Variants in LMNB1 observed in about 807,000 individuals in gnomAD.
LMNB1 encodes lamin-B1.
A neutral mutation model predicts 67.1 loss-of-function variants in LMNB1; 23 were observed. The ratio of observed to expected loss-of-function variants is 0.34; its 90% confidence interval spans 0.25 to 0.49. LMNB1 has a LOEUF of 0.49. Among genes scored for constraint, LMNB1 ranks in the 20% least tolerant of loss-of-function variants. The probability of loss-of-function intolerance (pLI) is 0.99; values close to 1 mark genes in which losing one functional copy is unlikely to be tolerated. For synonymous variants in LMNB1, 281 were observed against 282.9 expected (o/e 0.99, Z 0.07); for missense variants, 634 against 746.5 (o/e 0.85, Z 1.76).
chr5:126,795,628 T>A (rs1310667501), intron 1 of LMNB1, among the ~76,000 whole-genome samples: 2 of 152,142 alleles, frequency 1.3e-5, no homozygotes, highest in Non-Finnish European at 2.9e-5. Context: ...TTTTGTTTGT[T>A]CATTTGTTTG....
intron 3 of LMNB1, among the ~76,000 whole-genome samples, chr5:126,807,853 G>GTTTTGTTTTTTTGT (rs1554114267): frequency 6.9e-6 from 1 of 145,348 alleles, no homozygotes; most frequent in Non-Finnish European, 1.5e-5. Flanking sequence ...GTCCTCTTCA[G>GTTTTGTTTTTTTGT]TTTTGTTTTT....
At chr5:126,830,948 G>A (rs183266561) in intron 9 of LMNB1, among the ~76,000 whole-genome samples, 32 of 152,160 alleles carry the variant, frequency 2.1e-4, no homozygotes, top group African/African-American at 7.5e-4. Flanking sequence ...TTGTGAAATG[G>A]CTATTTCTGT....
At chr5:126,805,519 T>C in intron 2 of LMNB1, 52 bp from the exon 3 acceptor site, 5 of 1,299,648 alleles carry the variant, frequency 3.8e-6, no homozygotes, top group Non-Finnish European at 5.5e-6. Context: ...TTATGTTCAT[T>C]ATTAAATGAT....
chr5:126,810,305 A>C lies in LMNB1; in HGVS notation c.768A>C (p.Gln256His). 1 of 1,613,650 alleles carries C rather than the reference A, an allele frequency of 6.2e-7. No homozygotes were observed. Among genetic ancestry groups the C allele is most frequent in the Non-Finnish European group, 8.5e-7 (1 of 1,179,576 alleles). Residue 256 changes from glutamine to histidine, a missense_variant, in exon 4 of 11, where the codon CAA becomes CAC. Transcript: ENST00000261366. ...LHEMREQHDA[Q>H]VRLYKEELEQ... ...AGATGAGAGAGCAACATGATGCCCA[A>C]GTGAGGCTGTATAAGGAGGAGCTGG...
chr5:126,810,012 C>CTT lies in LMNB1; in HGVS notation c.643-168_643-167insTT, dbSNP rs1554114399. On this transcript the variant is annotated intron_variant, in intron 3 of 10. Transcript: ENST00000261366. ...TCTGTCATTAGTTCCATTTCAAAAA[C>CTT]CTCAACTGAAAACTAAGAGGCAAAA... 1.3e-3 allele frequency among the ~76,000 whole-genome samples: 201 copies of CTT among 151,818 alleles called. 1 individual carries two copies. The highest frequency in any genetic ancestry group is 4.5e-3 in the African/African-American group (185 of 41,362).
At chr5:126,787,889 A>C in intron 1 of LMNB1, among the ~76,000 whole-genome samples, 2 of 151,758 alleles carry the variant, frequency 1.3e-5, no homozygotes, top group South Asian at 4.2e-4. Flanking sequence ...TGGGGTGGGG[A>C]AGGGGATTGT....
intron 6 of LMNB1, among the ~76,000 whole-genome samples, chr5:126,819,947 C>G (rs1445514426): frequency 6.6e-6 from 1 of 152,042 alleles, no homozygotes; most frequent in Non-Finnish European, 1.5e-5. Flanking sequence ...GAGTTCAAGA[C>G]CAGCCTGGTC....
chr5:126,819,309 G>T, intron 6 of LMNB1, 167 bp downstream of exon 6: 1 of 541,910 alleles, frequency 1.8e-6, no homozygotes, highest in South Asian at 2.7e-5. Flanking sequence ...CCTCATCGCA[G>T]AAAATGTTGC....
chr5:126,805,007 A>G, intron 2 of LMNB1, 75 bp downstream of exon 2: 1 of 1,203,898 alleles, frequency 8.3e-7, no homozygotes, highest in South Asian at 1.6e-5. Flanking sequence ...AGTTTGATTG[A>G]TTGATTGATT....
chr5:126,818,270 G>A (rs913326336), intron 5 of LMNB1, among the ~76,000 whole-genome samples: 9 of 139,448 alleles, frequency 6.5e-5, no homozygotes, highest in African/African-American at 2.2e-4. Context: ...ACAGAGTCTC[G>A]CTCTGTTGCC....
At chr5:126,808,182 T>TA (rs1213751558) in intron 3 of LMNB1, among the ~76,000 whole-genome samples, 1 of 149,316 alleles carries the variant, frequency 6.7e-6, no homozygotes, top group Admixed American at 6.7e-5. Context: ...TTTTTTACTT[T>TA]AAAAAAAATT....
intron 1 of LMNB1, among the ~76,000 whole-genome samples, chr5:126,804,016 G>T (rs1277488266): frequency 2.0e-5 from 3 of 152,072 alleles, no homozygotes; most frequent in Non-Finnish European, 4.4e-5. Context: ...TCAGTATCAT[G>T]CATTGGGTTA....
intron 1 of LMNB1, among the ~76,000 whole-genome samples, chr5:126,778,271 G>T (rs1331284580): frequency 6.6e-6 from 1 of 152,046 alleles, no homozygotes; most frequent in East Asian, 1.9e-4. Context: ...CCCAGTTTCC[G>T]GCCGGCGCGA....
chr5:126,777,516 C>T lies in LMNB1; in HGVS notation c.8C>T (p.Thr3Ile). 1 of 1,360,758 alleles carries T rather than the reference C, an allele frequency of 7.3e-7. No homozygotes were observed. Among genetic ancestry groups the T allele is most frequent in the African/African-American group, 1.5e-5 (1 of 65,402 alleles). The allele number at this position is 1,360,758 out of a possible 1,614,324, so 84.3% of individuals were successfully genotyped here. A position where few individuals can be genotyped will look rare whatever the true frequency, so the allele number is the denominator to read the frequency against. The change falls in exon 1 of 11, where the codon ACT becomes ATT. Residue 3 changes from threonine (T) to isoleucine (I), a missense_variant. By Grantham distance (89) the Thr-to-Ile change is moderately conservative. Transcript: ENST00000261366. Reference sequence around the variant, plus strand: ...CTGTCTCCGCCGCCCGCCATGGCGACTGCGACCCCCGTGCCGCCGCGGATG... The same window carrying T: ...CTGTCTCCGCCGCCCGCCATGGCGATTGCGACCCCCGTGCCGCCGCGGATG... MA[T>I]ATPVPPRMGS...
chr5:126,835,630 T>C (rs1169428581), intron 10 of LMNB1, among the ~76,000 whole-genome samples: 1 of 152,238 alleles, frequency 6.6e-6, no homozygotes, highest in African/African-American at 2.4e-5. Flanking sequence ...AAATTATATA[T>C]AGATAGCTAC....
At chr5:126,795,992 G>GTGCGA (rs1751081480) in intron 1 of LMNB1, among the ~76,000 whole-genome samples, 2 of 141,068 alleles carry the variant, frequency 1.4e-5, no homozygotes, top group South Asian at 4.6e-4. Context: ...GAGTGCAATG[G>GTGCGA]TGCGATCTTG....
At chr5:126,802,505 A>G (rs1751308940) in intron 1 of LMNB1, among the ~76,000 whole-genome samples, 1 of 152,114 alleles carries the variant, frequency 6.6e-6, no homozygotes, top group African/African-American at 2.4e-5. Context: ...GTGCAGTGGT[A>G]TGATCTCGGC....
At chr5:126,817,998 T>G (rs1751756552) in intron 5 of LMNB1, among the ~76,000 whole-genome samples, 1 of 152,194 alleles carries the variant, frequency 6.6e-6, no homozygotes, top group South Asian at 2.1e-4. Context: ...ATTTTTAATT[T>G]TTTTATGCCA....
chr5:126,810,325 A>T lies in LMNB1; in HGVS notation c.788A>T (p.Glu263Val). 6.2e-7 allele frequency: 1 copy of T among 1,610,128 alleles called. No individual in the cohort carries two copies. The highest frequency in any genetic ancestry group is 8.5e-7 in the Non-Finnish European group (1 of 1,176,768). ...HDAQVRLYKE[E>V]LEQTYHAKLE... ...GCCCAAGTGAGGCTGTATAAGGAGG[A>T]GCTGGAGCAGACTTACCATGCCAAA... The change falls in exon 4 of 11, where the codon GAG becomes GTG. Residue 263 changes from glutamate (E) to valine (V), a missense_variant. By Grantham distance (121) the Glu-to-Val change is moderately radical (BLOSUM62 -2). Coordinates refer to ENST00000261366, the MANE Select transcript of LMNB1 (RefSeq NM_005573.4).
Sources: gnomAD v4.1 joint callset for allele counts (sites outside exome capture counted in the v4.1 genomes callset) on GRCh38, gnomAD v4.1.1 for gene constraint, MANE v1.5 for transcripts, NCBI Gene and HGNC (gene_info 2026-07-23, HGNC 2026-07-21) for gene names.